ETV4: variants seen among roughly 807,000 people sequenced by gnomAD.
The protein encoded by ETV4 is ETS translocation variant 4.
In ETV4, 42 loss-of-function variants were observed where a neutral mutation model predicts 65.9. That is an observed-to-expected ratio of 0.64 (90% CI 0.50 to 0.82). The LOEUF (loss-of-function observed/expected upper bound fraction) is 0.82. ETV4 is among the 40% of genes least tolerant of loss of function. ETV4 has a pLI of 0.00. For synonymous variants in ETV4, 238 were observed against 260.0 expected (o/e 0.92, Z 0.81); for missense variants, 583 against 630.3 (o/e 0.92, Z 0.80).
chr17:43,532,554 A>T (rs977268771), intron 8 of ETV4, 120 bp downstream of exon 8: 2 of 904,822 alleles, frequency 2.2e-6, no homozygotes, highest in African/African-American at 3.4e-5. Context: ...GAAGAAAAAA[A>T]GTGGGTGGGT....
intron 4 of ETV4, among the ~76,000 whole-genome samples, chr17:43,543,565 G>A (rs901967480): frequency 1.3e-5 from 2 of 152,238 alleles, no homozygotes; most frequent in Middle Eastern, 3.4e-3. Context: ...GAGAAATCAG[G>A]CACTGGGAAA....
intron 5 of ETV4, among the ~76,000 whole-genome samples, chr17:43,534,703 G>C (rs1482991185): frequency 6.6e-6 from 1 of 152,112 alleles, no homozygotes; most frequent in Non-Finnish European, 1.5e-5. Flanking sequence ...ACTTTGGGAG[G>C]CCGAGGCGGG....
chr17:43,530,340 G>T (rs1970847987), intron 8 of ETV4, 159 bp from the exon 9 acceptor site: 3 of 1,478,578 alleles, frequency 2.0e-6, no homozygotes, highest in Admixed American at 2.3e-5. Context: ...AAATCCCAGG[G>T]AAAGTTCACC....
rs540738948 is a variant in ETV4 at position 43,527,907 on chromosome 17, C to T, written c.*612G>A. Reference sequence around the variant, plus strand: ...TGTGGTGGAGGTGGAAGTACAAACCCAGGCCTGGGCCTAGGAAAGGGCAGA... The same window carrying T: ...TGTGGTGGAGGTGGAAGTACAAACCTAGGCCTGGGCCTAGGAAAGGGCAGA... On this transcript the variant is annotated 3_prime_UTR_variant, in exon 13 of 13. Coordinates refer to ENST00000319349, the MANE Select transcript of ETV4 (RefSeq NM_001079675.5). 8.6e-6 allele frequency: 2 copies of T among 232,886 alleles called. No homozygotes were observed. The highest frequency in any genetic ancestry group is 2.2e-5 in the African/African-American group (1 of 45,400). 14.4% of individuals were successfully genotyped at this position (232,886 alleles called of 1,614,324 possible).
At position 43,528,770 on chromosome 17, in the gene ETV4, G is replaced by C. The variant is rs545730133; in HGVS notation, c.1231-27C>G. The C allele has an allele frequency of 8.1e-6, 13 of 1,597,100 alleles. No homozygotes were observed. In the East Asian group the frequency reaches 2.9e-4, roughly 36 times the overall value. On this transcript the variant is annotated intron_variant, in intron 12 of 12. Transcript: ENST00000319349. ...TATGGGGAGAGAGAAGGTCTGGTCAGCCTGGCTAGCCGCCCAGCCTTTGTA... is the reference window on the plus strand; with the variant it reads ...TATGGGGAGAGAGAAGGTCTGGTCACCCTGGCTAGCCGCCCAGCCTTTGTA...
In ETV4 at chr17:43,528,298, C is replaced by T; in HGVS notation, c.*221G>A. On this transcript the variant is annotated 3_prime_UTR_variant, in exon 13 of 13. Transcript: ENST00000319349. ...TTCCTCCAGGGCCCAGGTGAAACCC[C>T]CAGGGGAGTTTCTGAGACTCTAGAC... The T allele has an allele frequency of 2.1e-6, 1 of 484,726 alleles. No individual in the cohort carries two copies. Among genetic ancestry groups the T allele is most frequent in the Non-Finnish European group, 3.7e-6 (1 of 273,630 alleles). 30.0% of individuals were successfully genotyped at this position (484,726 alleles called of 1,614,324 possible).
At chr17:43,530,517 G>A in intron 8 of ETV4, 1 of 1,058,952 alleles carries the variant, frequency 9.4e-7, no homozygotes, top group Non-Finnish European at 1.2e-6. Flanking sequence ...TGAACGTCCG[G>A]GGAAAGAGTT....
rs745361186 is a variant in ETV4, at chr17:43,533,945, G to T, written c.297C>A (p.Pro99=). 6.5e-7 allele frequency: 1 copy of T among 1,550,304 alleles called. No homozygotes were observed. The highest frequency in any genetic ancestry group is 8.6e-7 in the Non-Finnish European group (1 of 1,158,400). Residue 99 remains proline, a synonymous_variant, in exon 6 of 13, where the codon CCC becomes CCA. Coordinates refer to ENST00000319349, the MANE Select transcript of ETV4 (RefSeq NM_001079675.5). Reference sequence around the variant, plus strand: ...GGGCCGGGTCTGTGCGGGGACTCTGGGGCTCCTTCTTGATCCTGGTGGTGG... The same window carrying T: ...GGGCCGGGTCTGTGCGGGGACTCTGTGGCTCCTTCTTGATCCTGGTGGTGG... The part of the protein sequence containing the change: ...HSPTTRIKKE[P]QSPRTDPALS...
intron 8 of ETV4, among the ~76,000 whole-genome samples, chr17:43,531,705 CAAACA>C (rs902506924): frequency 1.5e-4 from 23 of 152,282 alleles, no homozygotes; most frequent in African/African-American, 4.3e-4. Context: ...TGTCTCAAAA[CAAACA>C]AAACAAAACA....
rs538904775 is a variant in ETV4 at position 43,530,714 on chromosome 17, G to C, written c.812-533C>G. Among the ~76,000 whole-genome samples the C allele has an allele frequency of 1.0e-3, 158 of 152,146 alleles. 1 individual carries two copies. Among genetic ancestry groups the C allele is most frequent in the African/African-American group, 3.5e-3 (146 of 41,490 alleles). On this transcript the variant is annotated intron_variant, in intron 8 of 12. Coordinates refer to ENST00000319349, the MANE Select transcript of ETV4 (RefSeq NM_001079675.5). Reference sequence around the variant, plus strand: ...GGGCCTTGTTTTTTCAGGTCTAACAGAGCACATTCCACTTCGTTTCATTCC... The same window carrying C: ...GGGCCTTGTTTTTTCAGGTCTAACACAGCACATTCCACTTCGTTTCATTCC...
chr17:43,536,434 G>A lies in ETV4; in HGVS notation c.248C>T (p.Ser83Leu). The A allele has an allele frequency of 1.2e-6, 2 of 1,614,166 alleles. No individual in the cohort carries two copies. The highest frequency in any genetic ancestry group is 1.1e-5 in the South Asian group (1 of 91,086). Reference protein sequence around the residue: ...SDEQFVPDFHSENLAFHSPTT... With the variant: ...SDEQFVPDFHLENLAFHSPTT... ...CAGGGACCTCTACTCACGGTTTTCTGAATGGAAATCAGGAACAAACTGCTC... is the reference window on the plus strand; with the variant it reads ...CAGGGACCTCTACTCACGGTTTTCTAAATGGAAATCAGGAACAAACTGCTC... Residue 83 changes from serine to leucine, a missense_variant, in exon 5 of 13, where the codon TCA becomes TTA. By Grantham distance (145) the Ser-to-Leu change is moderately radical. Transcript: ENST00000319349.
chr17:43,545,949 G>GTGTA (rs1971802473), intron 1 of ETV4: 1 of 315,200 alleles, frequency 3.2e-6, no homozygotes, highest in African/African-American at 2.2e-5. Context: ...GTGTGTGTGT[G>GTGTA]TGTGTGTGTG....
chr17:43,540,343 C>A (rs1469052414), intron 4 of ETV4, among the ~76,000 whole-genome samples: 1 of 152,182 alleles, frequency 6.6e-6, no homozygotes, highest in Non-Finnish European at 1.5e-5. Flanking sequence ...ATCCCAGCTA[C>A]TCTGGAGGCT....
At chr17:43,533,730 A>G in intron 6 of ETV4, 129 bp downstream of exon 6, 2 of 1,222,366 alleles carry the variant, frequency 1.6e-6, no homozygotes, top group Non-Finnish European at 2.3e-6. Flanking sequence ...TTGCTTCCTT[A>G]CAAGTGCTAG....
intron 4 of ETV4, among the ~76,000 whole-genome samples, chr17:43,539,185 C>T (rs1480647107): frequency 6.6e-6 from 1 of 152,202 alleles, no homozygotes; most frequent in Non-Finnish European, 1.5e-5. Flanking sequence ...CAAGGCTCTG[C>T]ATGACTTGGC....
At chr17:43,528,985 C>A in intron 12 of ETV4, 150 bp downstream of exon 12, 1 of 840,208 alleles carries the variant, frequency 1.2e-6, no homozygotes, top group Admixed American at 2.1e-5. Context: ...GGAGGAGAAC[C>A]TTGGGATTCT....
chr17:43,529,701 G>A lies in ETV4; in HGVS notation c.956-25C>T. On this transcript the variant is annotated intron_variant, in intron 10 of 12. Transcript: ENST00000319349. ...CCTGGGGAACACGAAAATAGGAGGT[G>A]TGGGGTTTGTGTCTTTTGGTCCCCC... The A allele has an allele frequency of 8.1e-6, 13 of 1,598,740 alleles. 1 individual carries two copies. Among genetic ancestry groups the A allele is most frequent in the Non-Finnish European group, 1.0e-5 (12 of 1,170,598 alleles).
chr17:43,529,203 G>C lies in ETV4; in HGVS notation c.1162C>G (p.Pro388Ala), dbSNP rs910270165. The change falls in exon 12 of 13, where the codon CCA becomes GCA. Residue 388 changes from proline to alanine, a missense_variant. Physicochemically the swap from Pro to Ala is conservative, Grantham distance 27. Transcript: ENST00000319349. ...ARLWGIQKNR[P>A]AMNYDKLSRS... The stretch of plus-strand genomic sequence containing the variant: ...CTCAGCTTGTCGTAATTCATGGCTG[G>C]CCGGTTCTTCTGGATGCCCCAGAGC... 4 of 1,613,968 alleles carry C rather than the reference G, an allele frequency of 2.5e-6. No individual in the cohort carries two copies. Among genetic ancestry groups the C allele is most frequent in the Non-Finnish European group, 3.4e-6 (4 of 1,180,000 alleles).
intron 12 of ETV4, 103 bp from the exon 13 acceptor site, chr17:43,528,846 G>A (rs1970725897): frequency 1.1e-6 from 1 of 877,656 alleles, no homozygotes; most frequent in South Asian, 1.7e-5. Context: ...AGTACAGGCA[G>A]ATGCTCGGGG....
Sources: allele counts gnomAD v4.1 joint callset (sites outside exome capture counted in the v4.1 genomes callset), GRCh38; gene constraint gnomAD v4.1.1; transcripts MANE v1.5; gene names NCBI Gene and HGNC (gene_info 2026-07-23, HGNC 2026-07-21).